OCM2: variants seen among roughly 807,000 people sequenced by gnomAD.
OCM2 encodes oncomodulin-2.
Under a neutral mutation model 13.6 loss-of-function variants are expected in OCM2, and 6 were observed. That is an observed-to-expected ratio of 0.44 (90% confidence interval 0.24 to 0.87). OCM2 has a LOEUF of 0.87. OCM2 is among the 40% of genes least tolerant of loss of function. The pLI is 0.22. For synonymous variants in OCM2, 40 were observed against 50.7 expected (o/e 0.79, Z 0.90); for missense variants, 118 against 136.8 (o/e 0.86, Z 0.68).
At chr7:97,990,013 A>G in intron 1 of OCM2, 31 bp downstream of exon 1, 2 of 1,505,140 alleles carry the variant, frequency 1.3e-6, no homozygotes, top group Non-Finnish European at 1.8e-6. Context: ...AGCTGTGAGG[A>G]AATCCCACCC....
chr7:97,990,017 C>CGTGG, intron 1 of OCM2, 27 bp downstream of exon 1: 1 of 629,608 alleles, frequency 1.6e-6, no homozygotes, highest in Non-Finnish European at 3.0e-6. Context: ...GTGAGGAAAT[C>CGTGG]CCACCCCCGC....
chr7:97,985,146 C>T (rs1221323917), intron 3 of OCM2, among the ~76,000 whole-genome samples, 163 bp from the exon 4 acceptor site: 1 of 152,092 alleles, frequency 6.6e-6, no homozygotes, highest in Admixed American at 6.6e-5. Context: ...ACTGGCCGGG[C>T]ACAGTGGCTC....
At chr7:97,988,899 A>G (rs996960705) in intron 1 of OCM2, among the ~76,000 whole-genome samples, 1 of 151,158 alleles carries the variant, frequency 6.6e-6, no homozygotes, top group Non-Finnish European at 1.5e-5. Flanking sequence ...CTGGATTTCA[A>G]CAGGCTAAAT....
At chr7:97,989,430 C>T (rs1447937365) in intron 1 of OCM2, among the ~76,000 whole-genome samples, 1 of 142,616 alleles carries the variant, frequency 7.0e-6, no homozygotes, top group Non-Finnish European at 1.6e-5. Context: ...GACAGAGTCT[C>T]ACTCTGTCGT....
At chr7:97,989,280 A>G (rs1794705954) in intron 1 of OCM2, among the ~76,000 whole-genome samples, 2 of 151,986 alleles carry the variant, frequency 1.3e-5, no homozygotes, top group Admixed American at 6.6e-5. Context: ...TGTCTTACAG[A>G]AGTGTAATCG....
chr7:97,988,515 T>A, exon 2 of OCM2: 5 of 1,614,204 alleles, frequency 3.1e-6, no homozygotes, highest in Non-Finnish European at 3.4e-6. Context: ...GCCTGACGTC[T>A]GGAAGAATTT....
intron 1 of OCM2, 50 bp from the exon 2 acceptor site, chr7:97,988,598 T>C (rs962851512): frequency 6.2e-7 from 1 of 1,610,624 alleles, no homozygotes; most frequent in African/African-American, 1.3e-5. Flanking sequence ...TCACATTCTA[T>C]GTTGGGGCCA....
At chr7:97,985,432 AAAGAAAG>A (rs1406679485) in intron 3 of OCM2, among the ~76,000 whole-genome samples, 12 of 68,530 alleles carry the variant, frequency 1.8e-4, no homozygotes, top group Non-Finnish European at 3.7e-4. Flanking sequence ...AAAAAAAAAA[AAAGAAAG>A]AAAGAAAGAA....
At chr7:97,988,248 T>A (rs1405065699) in intron 2 of OCM2, among the ~76,000 whole-genome samples, 168 bp downstream of exon 2, 1 of 151,786 alleles carries the variant, frequency 6.6e-6, no homozygotes, top group African/African-American at 2.4e-5. Flanking sequence ...GGGCTTTGCA[T>A]GGGTAGATGT....
intron 1 of OCM2, 26 bp downstream of exon 1, chr7:97,990,018 C>CCCCCG: frequency 1.4e-6 from 1 of 722,990 alleles, no homozygotes; most frequent in Non-Finnish European, 2.4e-6. Context: ...TGAGGAAATC[C>CCCCCG]CACCCCCGCC....
chr7:97,989,148 C>T (rs1794703893), intron 1 of OCM2, among the ~76,000 whole-genome samples: 1 of 151,670 alleles, frequency 6.6e-6, no homozygotes, highest in Admixed American at 6.6e-5. Context: ...CCAGGTTGGT[C>T]TTGAACTCCT....
rs1393718854 is a variant in OCM2 at position 97,989,482 on chromosome 7, C to T, written c.61+562G>A. On this transcript the variant is annotated intron_variant, in intron 1 of 3. Coordinates refer to ENST00000257627, the Ensembl canonical transcript of OCM2. Reference sequence around the variant, plus strand: ...TGTAGCGATCATAGCTCACCACAGCCTCAACCTCCTGGGCTTGAGTGATCC... The same window carrying T: ...TGTAGCGATCATAGCTCACCACAGCTTCAACCTCCTGGGCTTGAGTGATCC... Among the ~76,000 whole-genome samples, 6 of 151,888 alleles carry T rather than the reference C, an allele frequency of 4.0e-5. No homozygotes were observed. In the East Asian group the frequency reaches 1.2e-3, roughly 29 times the overall value.
chr7:97,986,652 C>T (rs936774351), intron 3 of OCM2, among the ~76,000 whole-genome samples: 1 of 152,010 alleles, frequency 6.6e-6, no homozygotes, highest in Non-Finnish European at 1.5e-5. Context: ...GCCAATGGAC[C>T]CTGGTCTGAG....
intron 3 of OCM2, 66 bp downstream of exon 3, chr7:97,986,981 A>C (rs565860343): frequency 6.2e-7 from 1 of 1,603,926 alleles, no homozygotes; most frequent in East Asian, 2.2e-5. Flanking sequence ...TTGATCTCAC[A>C]GCCCAACCCC....
intron 3 of OCM2, 89 bp downstream of exon 3, chr7:97,986,958 A>G (rs1794678069): frequency 1.9e-6 from 3 of 1,578,164 alleles, no homozygotes; most frequent in Non-Finnish European, 1.7e-6. Flanking sequence ...GGGAGATTTT[A>G]AGCCACATTG....
intron 3 of OCM2, among the ~76,000 whole-genome samples, chr7:97,985,431 A>AAAGAAAG (rs1554366494): frequency 7.6e-6 from 1 of 131,500 alleles, no homozygotes; most frequent in Non-Finnish European, 1.6e-5. Context: ...AAAAAAAAAA[A>AAAGAAAG]AAAGAAAGAA....
chr7:97,987,998 C>A (rs1794689250), intron 2 of OCM2, among the ~76,000 whole-genome samples: 1 of 152,002 alleles, frequency 6.6e-6, no homozygotes, highest in Non-Finnish European at 1.5e-5. Flanking sequence ...TTGAGACCAG[C>A]CTGGCAACAT....
chr7:97,990,097 A>C, exon 1 of OCM2: 1 of 1,610,616 alleles, frequency 6.2e-7, no homozygotes, highest in Non-Finnish European at 8.5e-7. Context: ...CACGTCCGTG[A>C]TGCTCATTTT....
At chr7:97,988,804 C>G (rs1399403273) in intron 1 of OCM2, among the ~76,000 whole-genome samples, 1 of 152,096 alleles carries the variant, frequency 6.6e-6, no homozygotes, top group Non-Finnish European at 1.5e-5. Context: ...TCCTCTGTGC[C>G]TCCCCCTCCC....
Sources: gnomAD v4.1 joint callset for allele counts (sites outside exome capture counted in the v4.1 genomes callset) on GRCh38, gnomAD v4.1.1 for gene constraint, MANE v1.5 for transcripts, NCBI Gene and HGNC (gene_info 2026-07-23, HGNC 2026-07-21) for gene names.